Variants in NEBL observed in about 807,000 individuals in gnomAD.
The protein encoded by NEBL is LIM and SH3 protein 2.
In NEBL, 122 loss-of-function variants were observed where a neutral mutation model predicts 140.2. The observed-to-expected ratio is 0.87, with a 90% CI of 0.75 to 1.01. NEBL has a LOEUF of 1.01. Ranked by LOEUF, NEBL falls within the 50% of genes least tolerant of loss-of-function variation. The probability of loss-of-function intolerance (pLI) is 0.00; values close to 1 mark genes in which losing one functional copy is unlikely to be tolerated. For missense variants in NEBL, 1,365 were observed against 1,231.3 expected, an observed-to-expected ratio of 1.11 and a Z score of -1.62; for synonymous variants, 436 against 398.9, an observed-to-expected ratio of 1.09 and a Z score of -1.11.
chr10:20,978,652 A>C (rs1836902682), intron 3 of NEBL, among the ~76,000 whole-genome samples: 2 of 151,918 alleles, frequency 1.3e-5, no homozygotes, highest in South Asian at 4.2e-4. Context: ...CCAGCTACTC[A>C]GGAGGCTGAG....
intron 2 of NEBL, among the ~76,000 whole-genome samples, chr10:21,153,793 C>T (rs1018995347): frequency 2.0e-5 from 3 of 151,990 alleles, no homozygotes; most frequent in African/African-American, 7.3e-5. Flanking sequence ...GGGTTACAGG[C>T]GTGAGCCACC....
intron 1 of NEBL, among the ~76,000 whole-genome samples, chr10:21,258,740 G>A (rs774625639): frequency 6.6e-5 from 10 of 152,004 alleles, no homozygotes; most frequent in Non-Finnish European, 1.5e-4. Context: ...TTAGCCAGGT[G>A]TGGTGACAGG....
At chr10:21,166,249 AAGAAAAAAAAATT>A (rs1840767459) in intron 2 of NEBL, among the ~76,000 whole-genome samples, 2 of 98,684 alleles carry the variant, frequency 2.0e-5, no homozygotes, top group African/African-American at 1.2e-4. Context: ...AAAAAAAGAA[AAGAAAAAAAAATT>A]TTCTACATCA....
rs71392177 is a variant in NEBL at position 21,264,696 on chromosome 10, TAAAAAAAAAAAAAAA to T, written n.183-12883_183-12869del. ...CCCTTAATTTGTTCCAGTTGCTATT[TAAAAAAAAAAAAAAA>T]AAAAAAAAAAAAAAAAAAAAAAGCC... On this transcript the variant is annotated intron_variant and non_coding_transcript_variant, in intron 1 of 8. Coordinates refer to the NEBL transcript ENST00000675702. 3.4e-3 allele frequency among the ~76,000 whole-genome samples: 103 copies of T among 30,722 alleles called. 1 individual carries two copies. The South Asian group carries it at 0.043, about 13-fold the overall frequency. 20.2% of individuals were successfully genotyped at this position (30,722 alleles called of 152,430 possible).
At chr10:21,236,524 T>C (rs1170758197) in intron 3 of NEBL, among the ~76,000 whole-genome samples, 1 of 151,968 alleles carries the variant, frequency 6.6e-6, no homozygotes, top group African/African-American at 2.4e-5. Context: ...ATTTTTTGTA[T>C]TTTTAGTAGA....
At chr10:21,204,644 A>G (rs569379381) in intron 3 of NEBL, among the ~76,000 whole-genome samples, 228 of 152,330 alleles carry the variant, frequency 1.5e-3, no homozygotes, top group Non-Finnish European at 2.5e-3. Context: ...GATTCTGTTA[A>G]GGAAGCCCTA....
At chr10:20,825,210 T>TA (rs1564358227) in intron 18 of NEBL, among the ~76,000 whole-genome samples, 1 of 152,182 alleles carries the variant, frequency 6.6e-6, no homozygotes, top group Non-Finnish European at 1.5e-5. Context: ...ATTCTCTGGA[T>TA]GCTGCATAAT....
intron 1 of NEBL, among the ~76,000 whole-genome samples, chr10:21,292,144 C>G (rs1478406077): frequency 1.3e-5 from 2 of 152,090 alleles, no homozygotes; most frequent in African/African-American, 4.8e-5. Context: ...GTTTCTTTTT[C>G]TCTTCAAAGA....
At chr10:20,849,440 G>A (rs750066514) in intron 11 of NEBL, among the ~76,000 whole-genome samples, 4 of 152,116 alleles carry the variant, frequency 2.6e-5, no homozygotes, top group Non-Finnish European at 5.9e-5. Flanking sequence ...AACACTGTTG[G>A]GGGGTGGGAA....
At chr10:20,995,317 C>A (rs1837625802) in intron 3 of NEBL, among the ~76,000 whole-genome samples, 1 of 152,160 alleles carries the variant, frequency 6.6e-6, no homozygotes, top group African/African-American at 2.4e-5. Context: ...GCAGCTAGTG[C>A]TGTTTTCTTG....
At chr10:21,034,840 G>C (rs563724288) in intron 2 of NEBL, among the ~76,000 whole-genome samples, 1 of 152,200 alleles carries the variant, frequency 6.6e-6, no homozygotes, top group East Asian at 1.9e-4. Flanking sequence ...ACATGTGCAG[G>C]ATGTGCAGGT....
exon 3 of NEBL, chr10:21,020,181 A>G: frequency 6.2e-7 from 1 of 1,614,150 alleles, no homozygotes; most frequent in Non-Finnish European, 8.5e-7. Context: ...CACCGTGGTG[A>G]AGGACTGCTT....
chr10:21,010,843 G>A (rs973916903), intron 3 of NEBL, among the ~76,000 whole-genome samples: 1 of 152,194 alleles, frequency 6.6e-6, no homozygotes, highest in African/African-American at 2.4e-5. Context: ...AGCTATTCTT[G>A]TCTTTCGTCC....
intron 4 of NEBL, among the ~76,000 whole-genome samples, chr10:20,939,635 C>T (rs1834730468): frequency 6.6e-6 from 1 of 152,118 alleles, no homozygotes; most frequent in Non-Finnish European, 1.5e-5. Context: ...AAGGCACAGA[C>T]TGGCAAATTG....
chr10:20,987,919 A>G (rs1382242824), intron 3 of NEBL, among the ~76,000 whole-genome samples: 1 of 152,078 alleles, frequency 6.6e-6, no homozygotes, highest in Non-Finnish European at 1.5e-5. Flanking sequence ...CATTTCTTTC[A>G]CATGAAACTT....
chr10:21,081,054 C>T (rs191285343), intron 2 of NEBL, among the ~76,000 whole-genome samples: 1 of 152,210 alleles, frequency 6.6e-6, no homozygotes, highest in East Asian at 1.9e-4. Flanking sequence ...AGTATTTCAC[C>T]ATGTTGGCCA....
intron 20 of NEBL, among the ~76,000 whole-genome samples, chr10:20,818,478 C>T (rs1838959439): frequency 6.6e-6 from 1 of 152,198 alleles, no homozygotes; most frequent in Admixed American, 6.5e-5. Flanking sequence ...TTATTCACAA[C>T]AGACTATTGA....
At chr10:20,832,220 T>C (rs1477276185) in intron 14 of NEBL, among the ~76,000 whole-genome samples, 1 of 152,226 alleles carries the variant, frequency 6.6e-6, no homozygotes, top group Non-Finnish European at 1.5e-5. Flanking sequence ...TAAATCATTA[T>C]ACCCCATCAC....
intron 2 of NEBL, among the ~76,000 whole-genome samples, chr10:21,144,522 T>C (rs1265810413): frequency 6.6e-6 from 1 of 152,140 alleles, no homozygotes; most frequent in African/African-American, 2.4e-5. Flanking sequence ...AGTCAGGAGT[T>C]CAAGACCAGC....
Sources: allele counts gnomAD v4.1 joint callset (sites outside exome capture counted in the v4.1 genomes callset), GRCh38; gene constraint gnomAD v4.1.1; transcripts MANE v1.5; gene names NCBI Gene and HGNC (gene_info 2026-07-23, HGNC 2026-07-21).